Variants in KDM2A observed in about 807,000 individuals in gnomAD.
The protein encoded by KDM2A is lysine-specific demethylase 2A.
In KDM2A, 3 loss-of-function variants were observed where a neutral mutation model predicts 137.3. That is an observed-to-expected ratio of 0.02 (90% CI 0.01 to 0.06). The LOEUF (loss-of-function observed/expected upper bound fraction) is 0.06. KDM2A is among the 10% of genes least tolerant of loss of function. The probability of loss-of-function intolerance (pLI) is 1.00; values close to 1 mark genes in which losing one functional copy is unlikely to be tolerated. For missense variants in KDM2A, 738 were observed against 1,510.6 expected (o/e 0.49, Z 8.48); for synonymous variants, 512 against 541.5 (o/e 0.95, Z 0.76).
intron 2 of KDM2A, among the ~76,000 whole-genome samples, chr11:67,141,470 T>TC (rs1856096422): frequency 6.6e-6 from 1 of 151,420 alleles, no homozygotes; most frequent in African/African-American, 2.4e-5. Context: ...ATCGAGACCA[T>TC]CCTGGCTAAC....
intron 5 of KDM2A, among the ~76,000 whole-genome samples, chr11:67,183,099 C>T (rs1190047960): frequency 6.6e-6 from 1 of 152,186 alleles, no homozygotes; most frequent in Non-Finnish European, 1.5e-5. Flanking sequence ...CTGTTTTATT[C>T]ATCCCCTTAC....
At position 67,216,030 on chromosome 11, in the gene KDM2A, C is replaced by T. The variant is rs11227738; in HGVS notation, c.687+81C>T. 747 of 989,770 alleles carry T rather than the reference C, an allele frequency of 7.5e-4. 3 individuals carry two copies. The highest frequency in any genetic ancestry group is 7.0e-4 in the Admixed American group (40 of 57,308). The allele number at this position is 989,770 out of a possible 1,614,324, so 61.3% of individuals were successfully genotyped here. On this transcript the variant is annotated intron_variant, in intron 8 of 20. Coordinates refer to ENST00000529006, the MANE Select transcript of KDM2A (RefSeq NM_012308.3). ...TTCAGTTCATGTATACTTAATATACCCTGGAAATGAATCTGTTAGGGAATT... is the reference window on the plus strand; with the variant it reads ...TTCAGTTCATGTATACTTAATATACTCTGGAAATGAATCTGTTAGGGAATT...
intron 2 of KDM2A, among the ~76,000 whole-genome samples, chr11:67,179,499 C>T (rs12365685): frequency 1.3e-5 from 2 of 152,268 alleles, no homozygotes; most frequent in East Asian, 3.9e-4. Context: ...TCTCTAATCT[C>T]GAACTCCCGA....
intron 5 of KDM2A, among the ~76,000 whole-genome samples, chr11:67,183,317 C>T (rs1352072323): frequency 2.0e-5 from 3 of 152,206 alleles, no homozygotes; most frequent in East Asian, 3.8e-4. Context: ...ATTAAAGAGC[C>T]TCCAGGACAG....
chr11:67,197,817 C>T (rs1457782980), intron 5 of KDM2A, among the ~76,000 whole-genome samples: 1 of 152,152 alleles, frequency 6.6e-6, no homozygotes, highest in East Asian at 1.9e-4. Context: ...TTGAACAATG[C>T]AACGGCTAGA....
chr11:67,221,956 T>A (rs1858366158), intron 10 of KDM2A, among the ~76,000 whole-genome samples: 2 of 150,492 alleles, frequency 1.3e-5, no homozygotes, highest in Non-Finnish European at 1.5e-5. Flanking sequence ...AAAAAAAAGA[T>A]GTCTATTCTA....
chr11:67,125,143 G>A (rs1026744996), intron 2 of KDM2A, among the ~76,000 whole-genome samples: 63 of 150,950 alleles, frequency 4.2e-4, no homozygotes, highest in African/African-American at 1.3e-3. Context: ...TTACAGGCTT[G>A]AGCCACCGCA....
At chr11:67,166,474 C>T (rs187501247) in intron 2 of KDM2A, among the ~76,000 whole-genome samples, 3 of 152,150 alleles carry the variant, frequency 2.0e-5, no homozygotes, top group Admixed American at 6.5e-5. Flanking sequence ...GAGTGAGCCA[C>T]GGTGCCTGGC....
chr11:67,253,377 CT>C (rs1323798562), intron 18 of KDM2A, 75 bp from the exon 19 acceptor site: 2 of 1,350,676 alleles, frequency 1.5e-6, no homozygotes, highest in African/African-American at 1.4e-5. Context: ...AGTTTGTTCA[CT>C]TTGCTCAGAT....
At chr11:67,246,290 G>A (rs1859201604) in intron 15 of KDM2A, among the ~76,000 whole-genome samples, 174 bp downstream of exon 15, 2 of 152,280 alleles carry the variant, frequency 1.3e-5, no homozygotes, top group Middle Eastern at 3.4e-3. Flanking sequence ...CAATGTGTCA[G>A]GCACTGCGTT....
In KDM2A at chr11:67,200,378, G is replaced by C. The variant is rs367766697; in HGVS notation, c.308-7132G>C. On this transcript the variant is annotated intron_variant, in intron 5 of 20. Coordinates refer to ENST00000529006, the MANE Select transcript of KDM2A (RefSeq NM_012308.3). ...CTACAGGCGTCCGCCACCACGTCCGGCTAATTTTTTTCGTATTTTTAGTAG... is the reference window on the plus strand; with the variant it reads ...CTACAGGCGTCCGCCACCACGTCCGCCTAATTTTTTTCGTATTTTTAGTAG... Among the ~76,000 whole-genome samples the C allele has an allele frequency of 1.3e-3, 198 of 152,212 alleles. 3 individuals carry two copies. In the Middle Eastern group the frequency reaches 0.02, roughly 16 times the overall value.
chr11:67,144,011 G>A (rs1485607389), intron 2 of KDM2A, among the ~76,000 whole-genome samples: 3 of 150,650 alleles, frequency 2.0e-5, no homozygotes, highest in South Asian at 2.1e-4. Context: ...GTGCAATCTC[G>A]GCTCACTGCA....
In KDM2A at chr11:67,245,516, A is replaced by G; in HGVS notation, c.1833+58A>G. The G allele has an allele frequency of 6.4e-7, 1 of 1,565,372 alleles. No homozygotes were observed. ...AGGGGTGGCAGTGCCAAAGGAACTG[A>G]AATACATATAGTGTAGAGTTAAAGA... is the stretch of plus-strand genomic sequence containing the variant. On this transcript the variant is annotated intron_variant, in intron 14 of 20. Transcript: ENST00000529006. The surrounding 1 kb of genome is among the most constrained non-coding windows in gnomAD (Gnocchi z 4.1).
chr11:67,242,571 A>G (rs7123691), intron 12 of KDM2A, among the ~76,000 whole-genome samples: 151,153 of 152,328 alleles, frequency 0.99, 75,002 homozygotes, highest in Non-Finnish European at 1. Flanking sequence ...AACACTTGTC[A>G]CCACAGTAAG....
intron 2 of KDM2A, among the ~76,000 whole-genome samples, chr11:67,164,226 C>T (rs1029818182): frequency 2.0e-5 from 3 of 152,156 alleles, no homozygotes; most frequent in African/African-American, 7.2e-5. Context: ...CTACTTCTGA[C>T]TCTAATCCAT....
At chr11:67,251,032 C>G (rs1859408372) in intron 17 of KDM2A, among the ~76,000 whole-genome samples, 1 of 152,158 alleles carries the variant, frequency 6.6e-6, no homozygotes, top group South Asian at 2.1e-4. Context: ...TTTCCCATGT[C>G]TCATTGTTAT....
At chr11:67,160,130 A>C (rs556537000) in intron 2 of KDM2A, among the ~76,000 whole-genome samples, 1 of 152,116 alleles carries the variant, frequency 6.6e-6, no homozygotes, top group African/African-American at 2.4e-5. Context: ...CTGTTGGTCT[A>C]TTAGGACTAA....
chr11:67,154,987 T>C (rs78746957), intron 2 of KDM2A, among the ~76,000 whole-genome samples: 1,847 of 152,302 alleles, frequency 0.012, 27 homozygotes, highest in Non-Finnish European at 0.021. Context: ...CATTTGTGTG[T>C]AAATATTTGA....
intron 2 of KDM2A, among the ~76,000 whole-genome samples, chr11:67,135,008 G>A (rs371650924): frequency 6.6e-6 from 1 of 151,758 alleles, no homozygotes. Context: ...AACTTATTTC[G>A]GTAACATAAG....
Sources: gnomAD v4.1 joint callset for allele counts (sites outside exome capture counted in the v4.1 genomes callset) on GRCh38, gnomAD v4.1.1 for gene constraint, Gnocchi (gnomAD v3.1) non-coding constraint, MANE v1.5 for transcripts, NCBI Gene and HGNC (gene_info 2026-07-23, HGNC 2026-07-21) for gene names.